KLF8: variants seen among roughly 807,000 people sequenced by gnomAD.
KLF8 encodes KLF transcription factor 8.
Under a neutral mutation model 18.2 loss-of-function variants are expected in KLF8, and 10 were observed. The ratio of observed to expected loss-of-function variants is 0.55; its 90% confidence interval spans 0.34 to 0.93. The LOEUF (loss-of-function observed/expected upper bound fraction) is 0.93. Ranked by LOEUF, KLF8 falls within the 40% of genes least tolerant of loss-of-function variation. The pLI is 0.02. For synonymous variants in KLF8, 109 were observed against 97.3 expected (o/e 1.12, Z -0.71); for missense variants, 264 against 277.9 (o/e 0.95, Z 0.36).
the KLF8 span, among the ~76,000 whole-genome samples, chrX:56,076,976 T>A: frequency 8.9e-6 from 1 of 111,965 alleles, no homozygotes; most frequent in South Asian, 3.7e-4. Flanking sequence ...TTGCCCACTT[T>A]TTGACGGGGT....
chrX:56,235,894 T>C (rs1326499651), intron 1 of KLF8, among the ~76,000 whole-genome samples: 1 of 112,384 alleles, frequency 8.9e-6, no homozygotes, highest in Admixed American at 9.4e-5. Flanking sequence ...ATTTTTGTTA[T>C]TTAAAAAAAT....
At chrX:55,917,273 G>T in the KLF8 span, among the ~76,000 whole-genome samples, 2 of 111,928 alleles carry the variant, frequency 1.8e-5, no homozygotes, top group Non-Finnish European at 3.8e-5. Context: ...GGAGCATTTG[G>T]AATCTAGGCA....
chrX:56,279,685 G>C lies in KLF8; in HGVS notation c.899-4628G>C, dbSNP rs140365118. On this transcript the variant is annotated intron_variant, in intron 5 of 5. Coordinates refer to ENST00000468660, the MANE Select transcript of KLF8 (RefSeq NM_007250.5). ...GCAAAAAATGATGACAGCTCAACTA[G>C]TATGTTGCCAGTGGAGATGGAGAGA... 6.1e-3 allele frequency among the ~76,000 whole-genome samples: 679 copies of C among 111,620 alleles called. 3 individuals carry two copies. The highest frequency in any genetic ancestry group is 9.4e-3 in the Non-Finnish European group (498 of 53,116).
the KLF8 span, among the ~76,000 whole-genome samples, chrX:55,971,938 AC>A: frequency 9.0e-6 from 1 of 110,703 alleles, no homozygotes; most frequent in Non-Finnish European, 1.9e-5. Context: ...ACAAAAGGGC[AC>A]CCTTACACAC....
At chrX:56,115,016 T>A in the KLF8 span, among the ~76,000 whole-genome samples, 3 of 112,532 alleles carry the variant, frequency 2.7e-5, no homozygotes, top group East Asian at 8.3e-4. Flanking sequence ...TTTTAAAAAG[T>A]TTGAATAGTT....
At chrX:56,160,849 C>T in the KLF8 span, among the ~76,000 whole-genome samples, 1 of 111,251 alleles carries the variant, frequency 9.0e-6, no homozygotes, top group Non-Finnish European at 1.9e-5. Flanking sequence ...ATCCAATTTG[C>T]CAGTCTGTGT....
chrX:56,093,056 C>T, the KLF8 span, among the ~76,000 whole-genome samples: 6 of 104,274 alleles, frequency 5.8e-5, no homozygotes, highest in Non-Finnish European at 9.9e-5. Flanking sequence ...AACTGTGGGA[C>T]AACTACAAAA....
At chrX:55,973,161 G>C in the KLF8 span, among the ~76,000 whole-genome samples, 1 of 112,064 alleles carries the variant, frequency 8.9e-6, no homozygotes, top group Non-Finnish European at 1.9e-5. Flanking sequence ...ATAAGCAGAA[G>C]ATTGAAACTG....
At chrX:56,057,528 A>G in the KLF8 span, among the ~76,000 whole-genome samples, 3 of 111,631 alleles carry the variant, frequency 2.7e-5, no homozygotes, top group Non-Finnish European at 5.6e-5. Flanking sequence ...TTGTGTGGCC[A>G]TGGGGGCAGC....
At chrX:56,174,468 C>T in the KLF8 span, among the ~76,000 whole-genome samples, 22 of 111,756 alleles carry the variant, frequency 2.0e-4, no homozygotes, top group Non-Finnish European at 3.9e-4. Flanking sequence ...GGTTGATAAG[C>T]TTTTTGATGT....
intron 2 of KLF8, among the ~76,000 whole-genome samples, chrX:56,254,183 C>A (rs67509060): frequency 0.12 from 12,906 of 111,511 alleles, 1,353 homozygotes; most frequent in African/African-American, 0.34. Context: ...AGCATTGAAG[C>A]AGGATATTTC....
At chrX:55,950,185 G>T in the KLF8 span, among the ~76,000 whole-genome samples, 1 of 110,953 alleles carries the variant, frequency 9.0e-6, no homozygotes, top group Non-Finnish European at 1.9e-5. Context: ...CTGGCCACCT[G>T]CATGAGGATA....
chrX:56,205,650 A>T, the KLF8 span, among the ~76,000 whole-genome samples: 25 of 112,090 alleles, frequency 2.2e-4, no homozygotes, highest in Non-Finnish European at 4.5e-4. Flanking sequence ...TTTTGGAATC[A>T]GGGCAATACT....
chrX:56,167,881 A>G, the KLF8 span, among the ~76,000 whole-genome samples: 1 of 112,221 alleles, frequency 8.9e-6, no homozygotes, highest in Non-Finnish European at 1.9e-5. Context: ...TACTTAGCAG[A>G]TTTTAAATGA....
At chrX:56,157,153 C>CA in the KLF8 span, among the ~76,000 whole-genome samples, 1 of 103,341 alleles carries the variant, frequency 9.7e-6, no homozygotes, top group Non-Finnish European at 2.0e-5. Flanking sequence ...CCAAACATCA[C>CA]ATGTTCTCTC....
At chrX:56,251,035 C>T (rs2066702818) in intron 2 of KLF8, among the ~76,000 whole-genome samples, 1 of 112,801 alleles carries the variant, frequency 8.9e-6, no homozygotes, top group Non-Finnish European at 1.9e-5. Flanking sequence ...AATACCTTCA[C>T]AGAAACATCT....
chrX:56,266,568 T>C, intron 3 of KLF8: 1 of 747,384 alleles, frequency 1.3e-6, no homozygotes, highest in Admixed American at 8.6e-5. Context: ...TCCATTTTAT[T>C]TTATTTTTAA....
chrX:56,233,146 C>A lies in KLF8; in HGVS notation c.-189C>A, dbSNP rs1472919238. The stretch of plus-strand genomic sequence containing the variant: ...GACTCCCTCCCCTTTCGACCCCCTC[C>A]TCATTTTCCAGCCCGGAGAAATAGG... On this transcript the variant is annotated 5_prime_UTR_variant, in exon 1 of 6. Coordinates refer to ENST00000468660, the MANE Select transcript of KLF8 (RefSeq NM_007250.5). The A allele has an allele frequency of 2.0e-6, 1 of 499,054 alleles. No homozygotes were observed. Among genetic ancestry groups the A allele is most frequent in the East Asian group, 3.7e-5 (1 of 27,122 alleles). The allele number at this position is 499,054 out of a possible 1,213,427, so 41.1% of individuals were successfully genotyped here. A position where few individuals can be genotyped will look rare whatever the true frequency, so the allele number is the denominator to read the frequency against.
At chrX:55,980,464 G>T in the KLF8 span, among the ~76,000 whole-genome samples, 2 of 111,653 alleles carry the variant, frequency 1.8e-5, no homozygotes, top group African/African-American at 6.5e-5. Context: ...TGTTGAGTTT[G>T]AGAGGCATCT....
Sources: allele counts gnomAD v4.1 joint callset (sites outside exome capture counted in the v4.1 genomes callset), GRCh38; gene constraint gnomAD v4.1.1; transcripts MANE v1.5; gene names NCBI Gene and HGNC (gene_info 2026-07-23, HGNC 2026-07-21).